RANBP2: variants seen among roughly 807,000 people sequenced by gnomAD.
RANBP2 encodes the protein RAN binding protein 2.
A neutral mutation model predicts 303.6 loss-of-function variants in RANBP2; 57 were observed. The ratio of observed to expected loss-of-function variants is 0.19; its 90% CI spans 0.15 to 0.23. The LOEUF (loss-of-function observed/expected upper bound fraction) is 0.23. Ranked by LOEUF, RANBP2 falls within the 10% of genes least tolerant of loss-of-function variation. The pLI is 1.00. For missense variants in RANBP2, 3,138 were observed against 3,780.8 expected (o/e 0.83, Z 4.46); for synonymous variants, 1,167 against 1,301.5 (o/e 0.90, Z 2.23).
the RANBP2 span, among the ~76,000 whole-genome samples, chr2:109,243,186 T>G: frequency 1.3e-5 from 2 of 152,216 alleles, no homozygotes; most frequent in Non-Finnish European, 1.5e-5. Flanking sequence ...GAAAGCTTCT[T>G]GAGGTCTGAG....
At chr2:108,947,041 G>C in the RANBP2 span, among the ~76,000 whole-genome samples, 2 of 152,184 alleles carry the variant, frequency 1.3e-5, no homozygotes, top group Non-Finnish European at 2.9e-5. Context: ...TCAAAAGCAA[G>C]TTAGTTACTT....
chr2:109,471,757 G>A, the RANBP2 span, among the ~76,000 whole-genome samples: 1 of 152,196 alleles, frequency 6.6e-6, no homozygotes, highest in Admixed American at 6.5e-5. Context: ...GGTCCCAAGA[G>A]CTTAGCCATA....
chr2:109,482,297 A>T, the RANBP2 span, among the ~76,000 whole-genome samples: 1 of 152,198 alleles, frequency 6.6e-6, no homozygotes, highest in Admixed American at 6.5e-5. Flanking sequence ...AATTATCATT[A>T]TATTTAGATA....
At chr2:108,926,425 T>C in the RANBP2 span, among the ~76,000 whole-genome samples, 1 of 152,172 alleles carries the variant, frequency 6.6e-6, no homozygotes, top group Non-Finnish European at 1.5e-5. Flanking sequence ...AGGTGTACAT[T>C]TTCCCAGAGA....
the RANBP2 span, among the ~76,000 whole-genome samples, chr2:108,961,256 C>T: frequency 6.6e-6 from 1 of 152,226 alleles, no homozygotes; most frequent in Non-Finnish European, 1.5e-5. Context: ...GGAAAGGGAA[C>T]AGTTGCCAGT....
At chr2:109,569,382 G>C in the RANBP2 span, among the ~76,000 whole-genome samples, 1 of 148,760 alleles carries the variant, frequency 6.7e-6, no homozygotes, top group East Asian at 2.0e-4. Context: ...AGTGAGCCGA[G>C]ATCGCGTCAT....
intron 1 of RANBP2, among the ~76,000 whole-genome samples, chr2:108,727,928 T>C (rs1160286887): frequency 1.3e-5 from 2 of 152,104 alleles, no homozygotes; most frequent in African/African-American, 4.8e-5. Flanking sequence ...TTTTGGACTT[T>C]GGAGTTTATG....
At chr2:108,805,153 A>T in the RANBP2 span, 1 of 404,676 alleles carries the variant, frequency 2.5e-6, no homozygotes, top group Non-Finnish European at 4.3e-6. Context: ...AATACTTCCA[A>T]ATGTAAATAA....
the RANBP2 span, among the ~76,000 whole-genome samples, chr2:109,431,591 T>TA: frequency 2.0e-5 from 3 of 152,166 alleles, no homozygotes; most frequent in African/African-American, 7.2e-5. Flanking sequence ...TATTTGCAAA[T>TA]AAGACTTAAA....
the RANBP2 span, among the ~76,000 whole-genome samples, chr2:109,403,680 G>A: frequency 2.0e-5 from 3 of 152,228 alleles, no homozygotes; most frequent in African/African-American, 4.8e-5. Context: ...GGGTGCTGGG[G>A]TGGAGGTGCA....
chr2:109,629,351 ATATATTTT>A, the RANBP2 span, among the ~76,000 whole-genome samples: 1 of 6,558 alleles, frequency 1.5e-4, no homozygotes, highest in African/African-American at 5.0e-4. Context: ...ATATATATAT[ATATATTTT>A]TTTTTTTTTT....
At chr2:109,312,243 T>G in the RANBP2 span, among the ~76,000 whole-genome samples, 4 of 152,190 alleles carry the variant, frequency 2.6e-5, no homozygotes, top group Non-Finnish European at 5.9e-5. Flanking sequence ...GAGGGACAAA[T>G]GTACCTCAGA....
the RANBP2 span, chr2:109,618,878 T>C: frequency 6.0e-6 from 1 of 167,106 alleles, no homozygotes; most frequent in Non-Finnish European, 1.5e-5. Context: ...TTTTCACGCC[T>C]GCAATCTTGG....
the RANBP2 span, among the ~76,000 whole-genome samples, chr2:109,583,166 A>T: frequency 1.3e-5 from 2 of 151,956 alleles, no homozygotes; most frequent in African/African-American, 4.8e-5. Flanking sequence ...CAAAAACAAA[A>T]ATTGCCAATT....
the RANBP2 span, among the ~76,000 whole-genome samples, chr2:108,972,894 TGGGCACGCC>T: frequency 6.6e-6 from 1 of 152,266 alleles, no homozygotes; most frequent in Admixed American, 6.5e-5. Flanking sequence ...CTCTCTGAGC[TGGGCACGCC>T]CAGAACAAGG....
the RANBP2 span, among the ~76,000 whole-genome samples, chr2:109,695,807 TG>T: frequency 6.6e-6 from 1 of 152,266 alleles, no homozygotes; most frequent in African/African-American, 2.4e-5. Flanking sequence ...AACTTTTAGC[TG>T]GAGTGTGGTA....
At chr2:109,767,487 CATTAA>C in the RANBP2 span, among the ~76,000 whole-genome samples, 1 of 134,982 alleles carries the variant, frequency 7.4e-6, no homozygotes, top group African/African-American at 2.7e-5. Flanking sequence ...CTGTGGGTCT[CATTAA>C]ATTATGTCAG....
chr2:109,483,277 C>T, the RANBP2 span, among the ~76,000 whole-genome samples: 17 of 152,254 alleles, frequency 1.1e-4, no homozygotes, highest in African/African-American at 4.1e-4. Flanking sequence ...GAGCCAGACT[C>T]AACAAAGATA....
At chr2:109,295,816 A>G in the RANBP2 span, among the ~76,000 whole-genome samples, 1 of 152,096 alleles carries the variant, frequency 6.6e-6, no homozygotes, top group Non-Finnish European at 1.5e-5. Flanking sequence ...GATGGCTGCA[A>G]TTGGCACTCC....
Sources: gnomAD v4.1 joint callset for allele counts (sites outside exome capture counted in the v4.1 genomes callset) on GRCh38, gnomAD v4.1.1 for gene constraint, MANE v1.5 for transcripts, NCBI Gene and HGNC (gene_info 2026-07-23, HGNC 2026-07-21) for gene names.